GRID1: variants seen among roughly 807,000 people sequenced by gnomAD.
GRID1 encodes glutamate ionotropic receptor delta type subunit 1, also known as glutamate receptor ionotropic, delta-1.
GRID1 carries 28 observed loss-of-function variants against 98.0 expected under a neutral mutation model. That is an observed-to-expected ratio of 0.29 (90% CI 0.21 to 0.39). The LOEUF is 0.39. GRID1 is among the 10% of genes least tolerant of loss of function. The pLI, the probability that GRID1 is intolerant of heterozygous loss-of-function variation, is 1.00. For missense variants in GRID1, 1,111 were observed against 1,340.5 expected (o/e 0.83, Z 2.67); for synonymous variants, 553 against 538.5 (o/e 1.03, Z -0.37).
In GRID1 at chr10:86,272,366, C is replaced by T. The variant is rs570811937; in HGVS notation, c.236-65718G>A. Among the ~76,000 whole-genome samples the T allele has an allele frequency of 9.8e-5, 15 of 152,288 alleles. No homozygotes were observed. The South Asian group carries it at 2.9e-3, about 29-fold the overall frequency. ...AGAGAACACTTAGTCAAGAAAAAGG[C>T]AACTTTAGGAAGGTATTGTGGCATT... On this transcript the variant is annotated intron_variant, in intron 2 of 15. Coordinates refer to ENST00000327946, the MANE Select transcript of GRID1 (RefSeq NM_017551.3).
chr10:86,232,520 C>G (rs978168171), intron 2 of GRID1, among the ~76,000 whole-genome samples: 4 of 152,210 alleles, frequency 2.6e-5, no homozygotes, highest in Non-Finnish European at 5.9e-5. Context: ...GAACCTACCC[C>G]CACCACCACC....
At chr10:86,343,261 C>A (rs1848336475) in intron 2 of GRID1, among the ~76,000 whole-genome samples, 1 of 152,194 alleles carries the variant, frequency 6.6e-6, no homozygotes, top group South Asian at 2.1e-4. Context: ...TAAAATAAAT[C>A]ATTTAACAAA....
At chr10:86,348,988 C>T (rs1051878930) in intron 2 of GRID1, among the ~76,000 whole-genome samples, 11 of 152,248 alleles carry the variant, frequency 7.2e-5, no homozygotes, top group African/African-American at 2.7e-4. Flanking sequence ...CTCCTGCTTC[C>T]TCAGAGGCCC....
At chr10:86,079,088 C>T (rs534871666) in intron 4 of GRID1, among the ~76,000 whole-genome samples, 3 of 152,320 alleles carry the variant, frequency 2.0e-5, no homozygotes, top group Admixed American at 1.3e-4. Flanking sequence ...AAACAGACTC[C>T]CTGTTGTACC....
chr10:85,962,528 G>A (rs1013808029), intron 4 of GRID1, among the ~76,000 whole-genome samples: 1 of 152,174 alleles, frequency 6.6e-6, no homozygotes, highest in Admixed American at 6.5e-5. Flanking sequence ...TAAATGGAGA[G>A]GGAGGGAAGA....
At chr10:86,256,094 T>C (rs1022233645) in intron 2 of GRID1, among the ~76,000 whole-genome samples, 1 of 152,186 alleles carries the variant, frequency 6.6e-6, no homozygotes, top group African/African-American at 2.4e-5. Context: ...CAGGTGGGTC[T>C]GTGTGAATTT....
At chr10:86,311,686 C>A (rs1023491050) in intron 2 of GRID1, among the ~76,000 whole-genome samples, 2 of 152,160 alleles carry the variant, frequency 1.3e-5, no homozygotes, top group Non-Finnish European at 2.9e-5. Context: ...CCTGAGAGTT[C>A]AAAACTTAAC....
chr10:85,732,211 C>T (rs1310610822), intron 8 of GRID1, among the ~76,000 whole-genome samples: 2 of 152,142 alleles, frequency 1.3e-5, no homozygotes, highest in Non-Finnish European at 1.5e-5. Flanking sequence ...TGATGTGTGT[C>T]CTGCTACTTC....
At chr10:85,951,717 C>T (rs1842128009) in intron 4 of GRID1, among the ~76,000 whole-genome samples, 1 of 152,346 alleles carries the variant, frequency 6.6e-6, no homozygotes, top group Middle Eastern at 3.4e-3. Context: ...CCCAGACACA[C>T]CCCAGGATCC....
intron 8 of GRID1, among the ~76,000 whole-genome samples, chr10:85,819,882 C>G (rs1842747021): frequency 6.6e-6 from 1 of 151,190 alleles, no homozygotes; most frequent in Admixed American, 6.6e-5. Context: ...CCATTGCACT[C>G]TAGCCTGGGC....
chr10:86,161,367 A>G (rs1036155378), intron 3 of GRID1, among the ~76,000 whole-genome samples: 1 of 152,028 alleles, frequency 6.6e-6, no homozygotes, highest in Non-Finnish European at 1.5e-5. Context: ...TCAGCCTGAG[A>G]AGCTGAGTCA....
chr10:85,872,310 C>T (rs1843286346), intron 5 of GRID1, among the ~76,000 whole-genome samples: 1 of 152,180 alleles, frequency 6.6e-6, no homozygotes, highest in Admixed American at 6.5e-5. Context: ...AAGAGAGAAT[C>T]AGAGCCAGTA....
intron 4 of GRID1, among the ~76,000 whole-genome samples, chr10:86,006,822 C>T (rs1274203251): frequency 2.7e-5 from 4 of 148,900 alleles, no homozygotes; most frequent in Admixed American, 6.7e-5. Context: ...AAAAACAATT[C>T]GGGTGTCACT....
intron 2 of GRID1, among the ~76,000 whole-genome samples, 156 bp downstream of exon 2, chr10:86,363,785 G>C (rs929938834): frequency 1.3e-5 from 2 of 152,200 alleles, no homozygotes; most frequent in African/African-American, 4.8e-5. Context: ...CTGCCTAGGT[G>C]GGCCGGGGAA....
intron 4 of GRID1, among the ~76,000 whole-genome samples, chr10:85,982,758 T>C (rs914139374): frequency 6.6e-6 from 1 of 152,180 alleles, no homozygotes; most frequent in Non-Finnish European, 1.5e-5. Context: ...TCAGCAAAAG[T>C]GACTTTCTTT....
chr10:86,009,742 C>T (rs749756711), intron 4 of GRID1, among the ~76,000 whole-genome samples: 9 of 152,190 alleles, frequency 5.9e-5, no homozygotes, highest in Non-Finnish European at 1.0e-4. Context: ...GGGACATGAA[C>T]ATGTTATGTG....
At chr10:85,992,177 G>A (rs113048363) in intron 4 of GRID1, among the ~76,000 whole-genome samples, 5 of 151,970 alleles carry the variant, frequency 3.3e-5, no homozygotes, top group African/African-American at 9.6e-5. Context: ...AGGAGGAGGG[G>A]TTGAAAGGAG....
intron 12 of GRID1, among the ~76,000 whole-genome samples, chr10:85,682,926 C>A (rs1841227077): frequency 6.6e-6 from 1 of 152,210 alleles, no homozygotes; most frequent in Admixed American, 6.5e-5. Flanking sequence ...TGGCACATGG[C>A]TAGGAAGCCT....
intron 2 of GRID1, among the ~76,000 whole-genome samples, chr10:86,320,747 G>A (rs1181103997): frequency 6.6e-6 from 1 of 152,032 alleles, no homozygotes; most frequent in Non-Finnish European, 1.5e-5. Flanking sequence ...CTCCAAATAT[G>A]GACAAAATTT....
Sources: gnomAD v4.1 joint callset for allele counts (sites outside exome capture counted in the v4.1 genomes callset) on GRCh38, gnomAD v4.1.1 for gene constraint, MANE v1.5 for transcripts, NCBI Gene and HGNC (gene_info 2026-07-23, HGNC 2026-07-21) for gene names.